Variants in RBPJ observed in about 807,000 individuals in gnomAD.
RBPJ encodes the protein recombination signal binding protein for immunoglobulin kappa J region.
In RBPJ, 9 loss-of-function variants were observed where a neutral mutation model predicts 67.8. The ratio of observed to expected loss-of-function variants is 0.13; its 90% confidence interval spans 0.08 to 0.23. The LOEUF (loss-of-function observed/expected upper bound fraction) is 0.23. Ranked by LOEUF, RBPJ falls within the 10% of genes least tolerant of loss-of-function variation. RBPJ has a pLI of 1.00. For missense variants in RBPJ, 305 were observed against 595.6 expected, an observed-to-expected ratio of 0.51 and a Z score of 5.08; for synonymous variants, 198 against 203.3, an observed-to-expected ratio of 0.97 and a Z score of 0.22.
intron 1 of RBPJ, among the ~76,000 whole-genome samples, chr4:26,251,559 A>G (rs543841733): frequency 6.6e-6 from 1 of 150,594 alleles, no homozygotes; most frequent in Non-Finnish European, 1.5e-5. Context: ...TTGCTTGAAC[A>G]TGGGAGGTGG....
At chr4:26,133,793 AG>A in the RBPJ span, among the ~76,000 whole-genome samples, 1 of 151,800 alleles carries the variant, frequency 6.6e-6, no homozygotes, top group South Asian at 2.1e-4. Flanking sequence ...AGTGTCAAAA[AG>A]GTGGAGGACC....
At chr4:26,226,146 C>CA (rs35440890) in intron 1 of RBPJ, among the ~76,000 whole-genome samples, 2,425 of 79,838 alleles carry the variant, frequency 0.03, 55 homozygotes, top group Middle Eastern at 0.091. Flanking sequence ...GAGACTCTGT[C>CA]AAAAAAAAAA....
At chr4:26,133,223 C>A in the RBPJ span, among the ~76,000 whole-genome samples, 4 of 152,234 alleles carry the variant, frequency 2.6e-5, no homozygotes, top group Admixed American at 2.6e-4. Flanking sequence ...GCTCATTGGA[C>A]CCTCATCTTG....
intron 1 of RBPJ, among the ~76,000 whole-genome samples, chr4:26,205,567 TAGAG>T (rs1451904728): frequency 6.6e-6 from 1 of 152,108 alleles, no homozygotes; most frequent in Admixed American, 6.6e-5. Context: ...CTGGGCAACA[TAGAG>T]AGACACCATC....
chr4:26,152,594 C>T, the RBPJ span, among the ~76,000 whole-genome samples: 7 of 152,218 alleles, frequency 4.6e-5, no homozygotes, highest in Non-Finnish European at 1.0e-4. Context: ...TCACAATGAG[C>T]TCATAACTTG....
chr4:26,304,401 C>T (rs907614181), intron 1 of RBPJ, among the ~76,000 whole-genome samples: 4 of 152,040 alleles, frequency 2.6e-5, no homozygotes, highest in Non-Finnish European at 4.4e-5. Flanking sequence ...CTATCGTTAC[C>T]CTTTGAAGAA....
intron 1 of RBPJ, among the ~76,000 whole-genome samples, chr4:26,222,178 A>C (rs1338343257): frequency 6.6e-6 from 1 of 152,180 alleles, no homozygotes; most frequent in Non-Finnish European, 1.5e-5. Context: ...GTTCACTTCT[A>C]GATAGGTAGT....
intron 1 of RBPJ, among the ~76,000 whole-genome samples, chr4:26,333,778 C>G (rs1178180244): frequency 6.6e-6 from 1 of 152,102 alleles, no homozygotes; most frequent in Non-Finnish European, 1.5e-5. Context: ...TAGCCTCGAC[C>G]TCCCAGGCTC....
At chr4:26,293,223 C>T (rs1279436336) in intron 1 of RBPJ, among the ~76,000 whole-genome samples, 1 of 150,746 alleles carries the variant, frequency 6.6e-6, no homozygotes, top group Admixed American at 6.6e-5. Context: ...CAGCTGCAGG[C>T]CTCAGGGCTT....
chr4:26,415,712 G>T (rs933503286), intron 4 of RBPJ, 72 bp downstream of exon 4: 4 of 1,414,154 alleles, frequency 2.8e-6, no homozygotes, highest in Non-Finnish European at 3.8e-6. Flanking sequence ...ATTCATTTTT[G>T]TGGTGGAGAT....
chr4:26,373,776 G>C (rs527917863), intron 1 of RBPJ, among the ~76,000 whole-genome samples: 1 of 152,178 alleles, frequency 6.6e-6, no homozygotes, highest in South Asian at 2.1e-4. Flanking sequence ...AAGAGAAATT[G>C]TTTCAGCATC....
chr4:26,184,179 CT>C (rs1190414298), intron 1 of RBPJ, among the ~76,000 whole-genome samples: 1 of 124,684 alleles, frequency 8.0e-6, no homozygotes, highest in African/African-American at 3.6e-5. Context: ...GAGACTTCAT[CT>C]CAAAAAAAAA....
At chr4:26,337,161 G>A (rs1481646374) in intron 1 of RBPJ, among the ~76,000 whole-genome samples, 1 of 150,662 alleles carries the variant, frequency 6.6e-6, no homozygotes, top group African/African-American at 2.4e-5. Context: ...AATAAAGACA[G>A]GGTTTCACCC....
chr4:26,431,601 G>A lies in RBPJ; in HGVS notation c.*594G>A, dbSNP rs777982743. On this transcript the variant is annotated 3_prime_UTR_variant, in exon 11 of 11. Coordinates refer to ENST00000355476, the MANE Select transcript of RBPJ (RefSeq NM_015874.6). ...GGTTTTTTTTTTTTGGTCTAAGGCTGGAACTTTTTTCTTTTTTTTCAGCTG... is the reference window on the plus strand; with the variant it reads ...GGTTTTTTTTTTTTGGTCTAAGGCTAGAACTTTTTTCTTTTTTTTCAGCTG... 6.6e-6 allele frequency: 1 copy of A among 151,126 alleles called. No homozygotes were observed. Among genetic ancestry groups the A allele is most frequent in the African/African-American group, 2.4e-5 (1 of 41,026 alleles). The allele number at this position is 151,126 out of a possible 1,614,324, so 9.4% of individuals were successfully genotyped here.
chr4:26,406,912 G>A (rs764076001), intron 3 of RBPJ, among the ~76,000 whole-genome samples: 22 of 152,220 alleles, frequency 1.4e-4, no homozygotes, highest in Non-Finnish European at 3.1e-4. Context: ...AGGCTTTAGA[G>A]TAAGAAGCTA....
intron 1 of RBPJ, among the ~76,000 whole-genome samples, chr4:26,379,449 G>A (rs1730096219): frequency 6.6e-6 from 1 of 152,080 alleles, no homozygotes; most frequent in Admixed American, 6.6e-5. Context: ...TGCATGGCTG[G>A]GGAGGCCTCA....
chr4:26,184,802 A>G (rs1329782713), intron 1 of RBPJ, among the ~76,000 whole-genome samples: 1 of 152,218 alleles, frequency 6.6e-6, no homozygotes, highest in Non-Finnish European at 1.5e-5. Context: ...CGGAAGGCAC[A>G]GTAATAGATA....
chr4:26,194,624 A>G (rs1735604674), intron 1 of RBPJ, among the ~76,000 whole-genome samples: 1 of 152,100 alleles, frequency 6.6e-6, no homozygotes, highest in Non-Finnish European at 1.5e-5. Context: ...GTAGGCCCCC[A>G]CCTATCACCA....
At chr4:26,251,847 CAAAAAAAAAAA>C (rs769291407) in intron 1 of RBPJ, among the ~76,000 whole-genome samples, 2 of 49,466 alleles carry the variant, frequency 4.0e-5, no homozygotes, top group East Asian at 8.2e-4. Flanking sequence ...GACTCCGTCT[CAAAAAAAAAAA>C]AAAAAAAAAA....
Sources: gnomAD v4.1 joint callset for allele counts (sites outside exome capture counted in the v4.1 genomes callset) on GRCh38, gnomAD v4.1.1 for gene constraint, MANE v1.5 for transcripts, NCBI Gene and HGNC (gene_info 2026-07-23, HGNC 2026-07-21) for gene names.